EIF4G3: variants seen among roughly 807,000 people sequenced by gnomAD.
EIF4G3 encodes eIF-4-gamma 3.
EIF4G3 carries 34 observed loss-of-function variants against 186.4 expected under a neutral mutation model. The ratio of observed to expected loss-of-function variants is 0.18; its 90% CI spans 0.14 to 0.24. EIF4G3 has a LOEUF of 0.24. Among genes scored for constraint, EIF4G3 ranks in the 10% least tolerant of loss-of-function variants. EIF4G3 has a pLI of 1.00. For synonymous variants in EIF4G3, 673 were observed against 679.5 expected (o/e 0.99, Z 0.15); for missense variants, 1,536 against 1,948.5 (o/e 0.79, Z 3.99).
chr1:20,808,477 C>T (rs1432587529), intron 36 of EIF4G3, among the ~76,000 whole-genome samples: 1 of 151,678 alleles, frequency 6.6e-6, no homozygotes, highest in African/African-American at 2.4e-5. Context: ...GTCAGGAGAT[C>T]GAGACCATCC....
chr1:20,963,511 C>T (rs2073916456), intron 12 of EIF4G3, among the ~76,000 whole-genome samples: 2 of 152,048 alleles, frequency 1.3e-5, no homozygotes, highest in Non-Finnish European at 2.9e-5. Context: ...CTAAGATACG[C>T]TATCAATCCA....
At chr1:20,859,010 C>A (rs144060484) in intron 24 of EIF4G3, among the ~76,000 whole-genome samples, 5 of 152,172 alleles carry the variant, frequency 3.3e-5, no homozygotes, top group African/African-American at 1.2e-4. Flanking sequence ...AAAATACTTG[C>A]TGAATGAATT....
chr1:21,027,351 C>A (rs944217585), intron 4 of EIF4G3, among the ~76,000 whole-genome samples: 1 of 151,642 alleles, frequency 6.6e-6, no homozygotes, highest in African/African-American at 2.4e-5. Flanking sequence ...TGCCACCATG[C>A]TCAGCACAGT....
intron 13 of EIF4G3, among the ~76,000 whole-genome samples, chr1:20,943,973 T>TG (rs1382567826): frequency 0.019 from 517 of 27,060 alleles, 27 homozygotes; most frequent in African/African-American, 0.04. Flanking sequence ...CTTTATTTTT[T>TG]TTGTGTGTGT....
intron 3 of EIF4G3, among the ~76,000 whole-genome samples, chr1:21,051,766 G>C (rs893258448): frequency 6.6e-5 from 10 of 152,112 alleles, no homozygotes; most frequent in African/African-American, 1.9e-4. Flanking sequence ...GGGAAGCTGA[G>C]GCAAAAGGAC....
chr1:21,002,275 C>G (rs1014870613), intron 5 of EIF4G3, among the ~76,000 whole-genome samples: 12 of 152,300 alleles, frequency 7.9e-5, no homozygotes, highest in African/African-American at 2.9e-4. Context: ...TAGAACAGAT[C>G]TAATAACACT....
At chr1:20,858,049 T>C (rs982818534) in intron 24 of EIF4G3, among the ~76,000 whole-genome samples, 1 of 152,198 alleles carries the variant, frequency 6.6e-6, no homozygotes. Flanking sequence ...ACATTAGCAG[T>C]TTTGTTTAAG....
At chr1:20,972,548 C>T (rs1014217286) in intron 11 of EIF4G3, among the ~76,000 whole-genome samples, 1 of 151,928 alleles carries the variant, frequency 6.6e-6, no homozygotes, top group Non-Finnish European at 1.5e-5. Flanking sequence ...GCATGAGAAT[C>T]GCTTGAGCCC....
chr1:21,075,295 AG>A (rs1454772015), intron 3 of EIF4G3, among the ~76,000 whole-genome samples: 2 of 152,100 alleles, frequency 1.3e-5, no homozygotes, highest in African/African-American at 4.8e-5. Context: ...AGGGCCGGGC[AG>A]GGTGGCTCAT....
intron 14 of EIF4G3, among the ~76,000 whole-genome samples, chr1:20,910,551 T>A (rs1375493380): frequency 6.6e-6 from 1 of 152,100 alleles, no homozygotes; most frequent in African/African-American, 2.4e-5. Context: ...GCCACTGCAC[T>A]CAGCCTGGGC....
chr1:21,052,294 A>T (rs1186757403), intron 3 of EIF4G3, among the ~76,000 whole-genome samples: 1 of 152,194 alleles, frequency 6.6e-6, no homozygotes, highest in African/African-American at 2.4e-5. Context: ...ATGCAGACTT[A>T]ACACTGATGG....
At chr1:21,009,630 GTCT>G (rs1188739771) in intron 4 of EIF4G3, among the ~76,000 whole-genome samples, 2 of 149,774 alleles carry the variant, frequency 1.3e-5, no homozygotes, top group African/African-American at 4.9e-5. Context: ...CTTGAGAACT[GTCT>G]TCTTCTTCTT....
chr1:20,967,755 A>C (rs994665327), intron 12 of EIF4G3, among the ~76,000 whole-genome samples: 1 of 152,174 alleles, frequency 6.6e-6, no homozygotes, highest in Non-Finnish European at 1.5e-5. Flanking sequence ...ATTTTTATGA[A>C]CTTTTTATTT....
At chr1:21,164,505 T>C (rs952968219) in intron 2 of EIF4G3, among the ~76,000 whole-genome samples, 3 of 152,094 alleles carry the variant, frequency 2.0e-5, no homozygotes, top group Admixed American at 2.0e-4. Context: ...GGCAGGAGAA[T>C]CACTTGAGCT....
chr1:20,973,174 T>A, intron 10 of EIF4G3, 75 bp from the exon 11 acceptor site: 4 of 1,075,682 alleles, frequency 3.7e-6, no homozygotes, highest in East Asian at 4.8e-5. Context: ...TGACACTGTG[T>A]CTCTGCACAA....
At position 20,981,146 on chromosome 1, in the gene EIF4G3, G is replaced by C; in HGVS notation, c.280C>G (p.Pro94Ala). The change falls in exon 9 of 37, where the codon CCC becomes GCC. Residue 94 changes from proline to alanine, a missense_variant. This residue lies in a region of EIF4G3 where 194 missense variants were observed against 212.8 expected (regional missense o/e 0.91). Coordinates refer to ENST00000602326, the MANE Select transcript of EIF4G3 (RefSeq NM_001391906.1). ...SPSIRPGAQT[P>A]TAVYQANQHI... The stretch of plus-strand genomic sequence containing the variant: ...TGATTAGCCTGGTACACTGCAGTGG[G>C]TGTCTGTGCACCAGGACGAATGGAA... 2.5e-6 allele frequency: 4 copies of C among 1,613,886 alleles called. No homozygotes were observed. Among genetic ancestry groups the C allele is most frequent in the Non-Finnish European group, 3.4e-6 (4 of 1,179,898 alleles).
At chr1:21,054,452 C>A (rs2094468029) in intron 3 of EIF4G3, among the ~76,000 whole-genome samples, 1 of 149,342 alleles carries the variant, frequency 6.7e-6, no homozygotes, top group Non-Finnish European at 1.5e-5. Flanking sequence ...CGAGAAACAC[C>A]CAAGAATGAT....
At chr1:21,023,339 C>T (rs1212114193) in intron 4 of EIF4G3, among the ~76,000 whole-genome samples, 1 of 147,822 alleles carries the variant, frequency 6.8e-6, no homozygotes, top group Non-Finnish European at 1.5e-5. Context: ...GACTGTACTG[C>T]TGCCATCTCG....
intron 30 of EIF4G3, among the ~76,000 whole-genome samples, chr1:20,833,126 A>C (rs1276446065): frequency 3.9e-5 from 5 of 127,906 alleles, no homozygotes; most frequent in Non-Finnish European, 6.6e-5. Context: ...ACTTTAAAGT[A>C]GTTTTTTCCA....
Sources: gnomAD v4.1 joint callset for allele counts (sites outside exome capture counted in the v4.1 genomes callset) on GRCh38, gnomAD v4.1.1 for gene constraint, gnomAD v4.1.1 regional missense constraint, MANE v1.5 for transcripts, NCBI Gene and HGNC (gene_info 2026-07-23, HGNC 2026-07-21) for gene names.